Variants in SYT14 observed in about 807,000 individuals in gnomAD.
SYT14 encodes the protein synaptotagmin 14.
SYT14 carries 32 observed loss-of-function variants against 74.2 expected under a neutral mutation model. The observed-to-expected ratio is 0.43, with a 90% CI of 0.33 to 0.58. The LOEUF (loss-of-function observed/expected upper bound fraction) is 0.58, where lower values mean the gene tolerates loss of function less well. SYT14 is among the 20% of genes least tolerant of loss of function. The pLI is 0.05. For missense variants in SYT14, 791 were observed against 981.8 expected (o/e 0.81, Z 2.60); for synonymous variants, 298 against 337.7 (o/e 0.88, Z 1.29).
At chr1:210,065,625 TA>T (rs1490753933) in intron 5 of SYT14, among the ~76,000 whole-genome samples, 1 of 152,054 alleles carries the variant, frequency 6.6e-6, no homozygotes, top group African/African-American at 2.4e-5. Flanking sequence ...TTGAATATTT[TA>T]AAAGGCAACT....
chr1:209,965,221 T>G (rs572627031), intron 2 of SYT14, among the ~76,000 whole-genome samples: 8 of 152,318 alleles, frequency 5.3e-5, no homozygotes, highest in Admixed American at 2.0e-4. Flanking sequence ...TATTCAACCC[T>G]TTTCCCCCTC....
In SYT14 at chr1:210,048,925, C is replaced by T. The variant is rs111264673; in HGVS notation, c.1312+27671C>T. ...GAAATTCACCAAAACAAAGGGGCTA[C>T]AGGCCCCATGCAAGTTTATAATCCA... On this transcript the variant is annotated intron_variant, in intron 5 of 9. Coordinates refer to ENST00000637265, the Ensembl canonical transcript of SYT14. Among the ~76,000 whole-genome samples, 266 of 152,342 alleles carry T rather than the reference C, an allele frequency of 1.7e-3. 1 individual carries two copies. The highest frequency in any genetic ancestry group is 6.3e-3 in the African/African-American group (261 of 41,586).
chr1:210,155,694 C>T, intron 7 of SYT14, 27 bp from the exon 7 acceptor site: 1 of 1,611,692 alleles, frequency 6.2e-7, no homozygotes, highest in Non-Finnish European at 8.5e-7. Flanking sequence ...TTGCAAAATA[C>T]TATAAAAATG....
intron 5 of SYT14, among the ~76,000 whole-genome samples, chr1:210,048,068 CTG>C (rs1282220579): frequency 1.3e-5 from 2 of 152,172 alleles, no homozygotes; most frequent in Non-Finnish European, 2.9e-5. Context: ...TACTTTGAGA[CTG>C]TGTGAATATC....
intron 4 of SYT14, among the ~76,000 whole-genome samples, chr1:210,017,653 G>A (rs760510444): frequency 4.6e-5 from 7 of 151,986 alleles, no homozygotes; most frequent in Non-Finnish European, 8.8e-5. Flanking sequence ...ATAAGTATAC[G>A]TGAATAATCT....
At chr1:210,016,008 C>T (rs1572161721) in exon 4 of SYT14, 1 of 1,232,010 alleles carries the variant, frequency 8.1e-7, no homozygotes, top group Non-Finnish European at 1.0e-6. Flanking sequence ...TAGAAAATGG[C>T]ATTTTTCAGA....
chr1:210,035,830 C>G (rs1026314374), intron 5 of SYT14, among the ~76,000 whole-genome samples: 1 of 152,028 alleles, frequency 6.6e-6, no homozygotes, highest in African/African-American at 2.4e-5. Context: ...AATTTGAAGT[C>G]AGGTCATGTA....
chr1:210,131,536 T>C (rs1186440676), intron 7 of SYT14, among the ~76,000 whole-genome samples: 1 of 151,532 alleles, frequency 6.6e-6, no homozygotes, highest in Non-Finnish European at 1.5e-5. Flanking sequence ...TTCTATTTTT[T>C]ATCATTATTT....
chr1:209,969,889 T>C (rs983188729), intron 2 of SYT14, among the ~76,000 whole-genome samples: 3 of 152,226 alleles, frequency 2.0e-5, no homozygotes, highest in Admixed American at 2.0e-4. Context: ...TTTATGTCTT[T>C]GCTCACTTTT....
chr1:210,136,700 G>T (rs2082793399), intron 7 of SYT14, among the ~76,000 whole-genome samples: 1 of 152,136 alleles, frequency 6.6e-6, no homozygotes, highest in Non-Finnish European at 1.5e-5. Context: ...AAAAAGAGGT[G>T]TAGTTAGCAC....
chr1:210,082,065 GAGCAA>G (rs1466032103), intron 5 of SYT14, among the ~76,000 whole-genome samples: 14 of 152,270 alleles, frequency 9.2e-5, no homozygotes, highest in Admixed American at 7.8e-4. Flanking sequence ...TCAGTTTAAG[GAGCAA>G]AGCAAAGCAG....
intron 2 of SYT14, among the ~76,000 whole-genome samples, chr1:210,004,755 T>C (rs2079960206): frequency 6.6e-6 from 1 of 152,042 alleles, no homozygotes; most frequent in Non-Finnish European, 1.5e-5. Context: ...ACTCAGCAAA[T>C]CTATCAGCAG....
intron 5 of SYT14, among the ~76,000 whole-genome samples, chr1:210,043,530 C>T (rs2080832463): frequency 6.6e-6 from 1 of 151,988 alleles, no homozygotes; most frequent in African/African-American, 2.4e-5. Flanking sequence ...ATATAGTTGT[C>T]TCTACTACCG....
chr1:210,098,761 A>C (rs1429767406), intron 6 of SYT14, among the ~76,000 whole-genome samples: 1 of 150,712 alleles, frequency 6.6e-6, no homozygotes, highest in Non-Finnish European at 1.5e-5. Context: ...GCTCACTGCG[A>C]CCTCTGCCTC....
rs2081283041 is a variant in SYT14, at chr1:210,065,718, T to C, written c.1313-28604T>C. Among the ~76,000 whole-genome samples the C allele has an allele frequency of 1.3e-5, 2 of 152,064 alleles. 1 individual carries two copies. The highest frequency in any genetic ancestry group is 2.9e-5 in the Non-Finnish European group (2 of 67,956). ...AATGTATGTAAATATACATTTGAAA[T>C]ACTTTTTTAAATTTAATTTTATTAT... On this transcript the variant is annotated intron_variant, in intron 5 of 9. Coordinates refer to ENST00000637265, the Ensembl canonical transcript of SYT14.
chr1:209,964,604 A>G (rs1440933899), intron 2 of SYT14, among the ~76,000 whole-genome samples: 2 of 152,160 alleles, frequency 1.3e-5, no homozygotes, highest in African/African-American at 4.8e-5. Context: ...TTATATTCCA[A>G]AATAATCCTT....
chr1:210,103,549 C>CAAAAAAAAAA (rs11430691), intron 7 of SYT14, among the ~76,000 whole-genome samples: 1 of 87,950 alleles, frequency 1.1e-5, no homozygotes, highest in African/African-American at 5.0e-5. Flanking sequence ...GACTCTGTCT[C>CAAAAAAAAAA]AAAAAAAAAA....
intron 2 of SYT14, among the ~76,000 whole-genome samples, chr1:209,955,744 A>G (rs1007031114): frequency 6.6e-6 from 1 of 152,190 alleles, no homozygotes; most frequent in African/African-American, 2.4e-5. Context: ...TCGGAGTCCA[A>G]AATGTCATCT....
At chr1:210,146,570 A>G (rs1051023178) in intron 7 of SYT14, among the ~76,000 whole-genome samples, 81 of 152,058 alleles carry the variant, frequency 5.3e-4, no homozygotes, top group African/African-American at 1.9e-3. Flanking sequence ...TTAGCAACTC[A>G]ATATATGTGA....
Sources: gnomAD v4.1 joint callset for allele counts (sites outside exome capture counted in the v4.1 genomes callset) on GRCh38, gnomAD v4.1.1 for gene constraint, MANE v1.5 for transcripts, NCBI Gene and HGNC (gene_info 2026-07-23, HGNC 2026-07-21) for gene names.